Variants in TLE4 observed in about 807,000 individuals in gnomAD.
The protein encoded by TLE4 is TLE family member 4, transcriptional corepressor.
In TLE4, 8 loss-of-function variants were observed where a neutral mutation model predicts 92.8. The observed-to-expected ratio is 0.09, with a 90% CI of 0.05 to 0.16. The LOEUF is 0.16. Ranked by LOEUF, TLE4 falls within the 10% of genes least tolerant of loss-of-function variation. The pLI is 1.00. For missense variants in TLE4, 675 were observed against 997.6 expected, an observed-to-expected ratio of 0.68 and a Z score of 4.36; for synonymous variants, 371 against 374.1, an observed-to-expected ratio of 0.99 and a Z score of 0.10.
At chr9:79,574,504 C>T (rs571992695) in intron 2 of TLE4, among the ~76,000 whole-genome samples, 1 of 152,038 alleles carries the variant, frequency 6.6e-6, no homozygotes, top group African/African-American at 2.4e-5. Flanking sequence ...TCCCTTGTGA[C>T]GTTTTGGAGG....
chr9:79,679,249 G>A (rs1341295730), intron 8 of TLE4, among the ~76,000 whole-genome samples: 1 of 152,092 alleles, frequency 6.6e-6, no homozygotes, highest in East Asian at 1.9e-4. Context: ...TAGTGTAAAA[G>A]TGTTCCTATT....
At chr9:79,693,921 A>T (rs953532419) in intron 8 of TLE4, among the ~76,000 whole-genome samples, 1 of 152,222 alleles carries the variant, frequency 6.6e-6, no homozygotes, top group African/African-American at 2.4e-5. Flanking sequence ...ACTTAGCTTG[A>T]TGCCAAATTG....
At chr9:79,609,874 C>G (rs747140477) in intron 4 of TLE4, among the ~76,000 whole-genome samples, 1 of 152,012 alleles carries the variant, frequency 6.6e-6, no homozygotes, top group Non-Finnish European at 1.5e-5. Context: ...ACTGGCGTAG[C>G]CTGATGGATA....
chr9:79,678,618 CT>C lies in TLE4; in HGVS notation c.609+24553del, dbSNP rs55743621. Reference sequence around the variant, plus strand: ...AAGGAAGTACTTTATTATTGTTTTTCTTTTTTTTTTATTATTATTATACTTT... The same window carrying C: ...AAGGAAGTACTTTATTATTGTTTTTCTTTTTTTTTATTATTATTATACTTT... On this transcript the variant is annotated intron_variant, in intron 8 of 19. Transcript: ENST00000376552. 1.6e-3 allele frequency among the ~76,000 whole-genome samples: 241 copies of C among 148,726 alleles called. 1 individual carries two copies. The highest frequency in any genetic ancestry group is 4.5e-3 in the African/African-American group (182 of 40,522).
At chr9:79,633,228 A>G (rs2054793651) in intron 6 of TLE4, among the ~76,000 whole-genome samples, 1 of 152,180 alleles carries the variant, frequency 6.6e-6, no homozygotes, top group East Asian at 1.9e-4. Flanking sequence ...CACTTCAGAG[A>G]CGCCCAAAAA....
At chr9:79,578,564 TC>T (rs1241348244) in intron 4 of TLE4, among the ~76,000 whole-genome samples, 13 of 152,136 alleles carry the variant, frequency 8.5e-5, no homozygotes, top group Non-Finnish European at 1.6e-4. Context: ...GTCGGTGTTC[TC>T]CCTCCTACCC....
intron 6 of TLE4, among the ~76,000 whole-genome samples, chr9:79,651,371 C>T (rs886186616): frequency 1.3e-5 from 2 of 152,128 alleles, no homozygotes; most frequent in African/African-American, 2.4e-5. Flanking sequence ...TTGCCCACCG[C>T]GGTTCCTGTA....
At chr9:79,693,215 G>A (rs1014123229) in intron 8 of TLE4, among the ~76,000 whole-genome samples, 33 of 152,042 alleles carry the variant, frequency 2.2e-4, no homozygotes, top group African/African-American at 7.0e-4. Flanking sequence ...TTGTGAAGTC[G>A]TTGTTATTCT....
chr9:79,622,267 G>A (rs995427757), intron 5 of TLE4, among the ~76,000 whole-genome samples: 3 of 151,882 alleles, frequency 2.0e-5, no homozygotes, highest in Non-Finnish European at 4.4e-5. Flanking sequence ...TCTTGCTTAT[G>A]TGTCTTATCA....
intron 4 of TLE4, among the ~76,000 whole-genome samples, chr9:79,588,480 G>A (rs1425491435): frequency 1.3e-5 from 2 of 152,058 alleles, no homozygotes; most frequent in African/African-American, 4.8e-5. Context: ...AAAACAAATC[G>A]TCTGCTTCTG....
chr9:79,664,715 C>G (rs537551707), intron 8 of TLE4, among the ~76,000 whole-genome samples: 26 of 152,254 alleles, frequency 1.7e-4, no homozygotes, highest in South Asian at 8.3e-4. Flanking sequence ...CCCGCTGCCA[C>G]TTCTTCCCTC....
chr9:79,707,040 T>G (rs1054205030), intron 11 of TLE4, 141 bp downstream of exon 11: 14 of 1,567,784 alleles, frequency 8.9e-6, no homozygotes, highest in Non-Finnish European at 1.1e-5. Context: ...TTAAGTTTAA[T>G]TGGCAAAAGT....
At chr9:79,722,168 A>T (rs1334669360) in intron 17 of TLE4, among the ~76,000 whole-genome samples, 1 of 151,960 alleles carries the variant, frequency 6.6e-6, no homozygotes, top group Non-Finnish European at 1.5e-5. Flanking sequence ...TGTCTGAAAA[A>T]CAAAAAAAAA....
chr9:79,605,370 G>A (rs1245424962), intron 4 of TLE4, among the ~76,000 whole-genome samples: 1 of 152,010 alleles, frequency 6.6e-6, no homozygotes, highest in Non-Finnish European at 1.5e-5. Context: ...ATTTGACCTT[G>A]TACAAGTAAC....
Position 79,705,894 on chromosome 9 carries a change from C to T in TLE4, c.735C>T (p.Ser245=), listed in dbSNP as rs2071408916. Residue 245 remains serine (S), a synonymous_variant, in exon 10 of 20, where the codon AGC becomes AGT. Coordinates refer to ENST00000376552, the MANE Select transcript of TLE4 (RefSeq NM_007005.6). ...EEKEIAARYD[S]DGEKSDDNLV... ...CTTCTCACTTGTCAATGCAGGACAG[C>T]GATGGTGAGAAAAGTGATGACAACT... 3 of 1,613,874 alleles carry T rather than the reference C, an allele frequency of 1.9e-6. No homozygotes were observed. Among genetic ancestry groups the T allele is most frequent in the South Asian group, 2.2e-5 (2 of 91,074 alleles).
intron 4 of TLE4, among the ~76,000 whole-genome samples, chr9:79,584,514 G>T (rs1233122884): frequency 6.6e-6 from 1 of 152,218 alleles, no homozygotes; most frequent in South Asian, 2.1e-4. Context: ...TCTCGTGCTA[G>T]ATTGTAAGCT....
At chr9:79,689,797 G>A (rs947837013) in intron 8 of TLE4, among the ~76,000 whole-genome samples, 2 of 152,186 alleles carry the variant, frequency 1.3e-5, no homozygotes, top group Non-Finnish European at 2.9e-5. Context: ...GTAATTGATA[G>A]CAATCACAGT....
At chr9:79,707,972 A>C (rs2072153456) in intron 11 of TLE4, 146 bp from the exon 12 acceptor site, 1 of 794,124 alleles carries the variant, frequency 1.3e-6, no homozygotes, top group Non-Finnish European at 1.9e-6. Context: ...TTCTTTGTTA[A>C]CTTTTCTATT....
intron 5 of TLE4, among the ~76,000 whole-genome samples, chr9:79,625,405 G>A (rs1245593567): frequency 1.3e-5 from 2 of 152,112 alleles, no homozygotes; most frequent in Admixed American, 1.3e-4. Flanking sequence ...TAAATATGCA[G>A]CCCTTCATGA....
Sources: allele counts gnomAD v4.1 joint callset (sites outside exome capture counted in the v4.1 genomes callset), GRCh38; gene constraint gnomAD v4.1.1; transcripts MANE v1.5; gene names NCBI Gene and HGNC (gene_info 2026-07-23, HGNC 2026-07-21).